The following CNBD1 variants were observed in gnomAD, a reference collection of about 807,000 sequenced individuals.
CNBD1 encodes cyclic nucleotide-binding domain-containing protein 1.
Under a neutral mutation model 54.4 loss-of-function variants are expected in CNBD1, and 71 were observed. The ratio of observed to expected loss-of-function variants is 1.30; its 90% confidence interval spans 1.08 to 1.59. The LOEUF (loss-of-function observed/expected upper bound fraction) is 1.59, where lower values mean the gene tolerates loss of function less well. Among genes scored for constraint, CNBD1 ranks in the 40% most tolerant of loss-of-function variants. The pLI, the probability that CNBD1 is intolerant of heterozygous loss-of-function variation, is 0.00. For synonymous variants in CNBD1, 182 were observed against 170.7 expected (o/e 1.07, Z -0.51); for missense variants, 659 against 518.0 (o/e 1.27, Z -2.64).
chr8:87,044,715 A>G (rs1810145022), intron 4 of CNBD1: 1 of 152,084 alleles, frequency 6.6e-6, no homozygotes, highest in South Asian at 2.1e-4. Flanking sequence ...GGTTTGTTTT[A>G]GGTCAGTTCC....
intron 5 of CNBD1, among the ~76,000 whole-genome samples, chr8:87,215,416 C>G (rs1016440508): frequency 5.9e-5 from 9 of 151,804 alleles, no homozygotes; most frequent in African/African-American, 2.2e-4. Context: ...GAAACCCTGT[C>G]CCTACTAAAA....
At chr8:86,992,853 T>C (rs182760910) in intron 4 of CNBD1, among the ~76,000 whole-genome samples, 7 of 152,336 alleles carry the variant, frequency 4.6e-5, no homozygotes, top group Admixed American at 4.6e-4. Flanking sequence ...GTATGTGCCT[T>C]GACCCTTCTC....
At chr8:87,052,778 C>G (rs1348014613) in intron 4 of CNBD1, among the ~76,000 whole-genome samples, 1 of 152,228 alleles carries the variant, frequency 6.6e-6, no homozygotes, top group African/African-American at 2.4e-5. Context: ...CATAACATCT[C>G]TCCATGTATG....
At chr8:87,001,526 C>T (rs558283730) in intron 4 of CNBD1, among the ~76,000 whole-genome samples, 3 of 152,128 alleles carry the variant, frequency 2.0e-5, no homozygotes, top group East Asian at 1.9e-4. Flanking sequence ...GGTCTTTTTA[C>T]GCTGTATTTG....
chr8:87,425,350 C>G (rs1220227475), intron 2 of CNBD1, among the ~76,000 whole-genome samples: 1 of 152,178 alleles, frequency 6.6e-6, no homozygotes, highest in Non-Finnish European at 1.5e-5. Flanking sequence ...AGCTTTGTTC[C>G]GTTGCTGGTG....
downstream of CNBD1, among the ~76,000 whole-genome samples, chr8:87,384,046 G>A (rs983343749): frequency 6.6e-6 from 1 of 152,026 alleles, no homozygotes; most frequent in Non-Finnish European, 1.5e-5. Context: ...ATTCAATTAA[G>A]AATGAGTTAT....
downstream of CNBD1, among the ~76,000 whole-genome samples, chr8:87,383,899 G>C (rs556251544): frequency 6.6e-6 from 1 of 152,196 alleles, no homozygotes; most frequent in African/African-American, 2.4e-5. Flanking sequence ...TTTCAGTTTA[G>C]AATGCTATTT....
intron 4 of CNBD1, among the ~76,000 whole-genome samples, chr8:87,057,218 C>T (rs749291469): frequency 1.8e-4 from 27 of 152,144 alleles, no homozygotes; most frequent in Non-Finnish European, 3.7e-4. Context: ...AATTGACTCA[C>T]TTCCACAGGG....
intron 1 of CNBD1, among the ~76,000 whole-genome samples, chr8:86,873,409 GT>G (rs200928070): frequency 2.0e-5 from 3 of 151,346 alleles, no homozygotes; most frequent in Admixed American, 1.3e-4. Flanking sequence ...CCAAGACCCT[GT>G]TTTTTTTAAA....
At chr8:87,229,367 T>G (rs1814610910) in intron 5 of CNBD1, among the ~76,000 whole-genome samples, 1 of 152,224 alleles carries the variant, frequency 6.6e-6, no homozygotes, top group African/African-American at 2.4e-5. Context: ...TGCTATTTGT[T>G]TCTTCTCACA....
chr8:87,247,883 G>A lies in CNBD1; in HGVS notation c.771+10771G>A, dbSNP rs188821692. Among the ~76,000 whole-genome samples the A allele has an allele frequency of 3.5e-3, 528 of 152,268 alleles. 2 individuals carry two copies. Among genetic ancestry groups the A allele is most frequent in the Non-Finnish European group, 6.0e-3 (408 of 68,026 alleles). ...AGTTCAGGTGAAATGGCATTTTTCA[G>A]CTAGCCACAATTTCTGTATGGGTGA... On this transcript the variant is annotated intron_variant, in intron 6 of 10. Coordinates refer to ENST00000518476, the MANE Select transcript of CNBD1 (RefSeq NM_173538.3).
At chr8:87,237,946 T>C (rs1286055497) in intron 6 of CNBD1, among the ~76,000 whole-genome samples, 1 of 152,174 alleles carries the variant, frequency 6.6e-6, no homozygotes, top group African/African-American at 2.4e-5. Context: ...TTGTTAGGGA[T>C]GGAAAACAAT....
In CNBD1 at chr8:87,327,810, G is replaced by T. The variant is rs561801710; in HGVS notation, c.1043-23875G>T. 7.2e-5 allele frequency among the ~76,000 whole-genome samples: 11 copies of T among 152,222 alleles called. No individual in the cohort carries two copies. In the South Asian group the frequency reaches 1.5e-3, roughly 20 times the overall value. On this transcript the variant is annotated intron_variant, in intron 8 of 10. Coordinates refer to ENST00000518476, the MANE Select transcript of CNBD1 (RefSeq NM_173538.3). ...TGTAGACCGGAGCTGTTCCTATTCG[G>T]CCATCTTGGCTCCTCCCCCTTTTCT...
At chr8:87,137,197 A>G (rs887010806) in intron 4 of CNBD1, among the ~76,000 whole-genome samples, 1 of 142,324 alleles carries the variant, frequency 7.0e-6, no homozygotes, top group Non-Finnish European at 1.5e-5. Context: ...TATATAAATT[A>G]TATATATATT....
At chr8:87,338,368 G>A (rs978474973) in intron 8 of CNBD1, among the ~76,000 whole-genome samples, 1 of 152,126 alleles carries the variant, frequency 6.6e-6, no homozygotes, top group Admixed American at 6.5e-5. Flanking sequence ...AGGTCTGACA[G>A]CAACAAATTC....
intron 4 of CNBD1, among the ~76,000 whole-genome samples, chr8:87,038,669 A>T (rs1343043877): frequency 6.6e-6 from 1 of 152,222 alleles, no homozygotes; most frequent in East Asian, 1.9e-4. Context: ...TGTATTGGCC[A>T]TTCATTACCT....
chr8:87,323,410 C>T (rs1307099611), intron 8 of CNBD1, among the ~76,000 whole-genome samples: 1 of 139,764 alleles, frequency 7.2e-6, no homozygotes, highest in East Asian at 2.0e-4. Context: ...CGGCCATTTT[C>T]ACGATATTGA....
At chr8:86,954,381 G>T (rs1807705005) in intron 4 of CNBD1, among the ~76,000 whole-genome samples, 1 of 152,184 alleles carries the variant, frequency 6.6e-6, no homozygotes, top group African/African-American at 2.4e-5. Context: ...AAACCTTGTT[G>T]TGTTTTTATT....
chr8:87,149,190 A>T (rs1812550307), intron 4 of CNBD1, among the ~76,000 whole-genome samples: 1 of 152,200 alleles, frequency 6.6e-6, no homozygotes, highest in Admixed American at 6.5e-5. Flanking sequence ...TATAGTGTGT[A>T]TTGATGGTGA....
Sources: gnomAD v4.1 joint callset for allele counts (sites outside exome capture counted in the v4.1 genomes callset) on GRCh38, gnomAD v4.1.1 for gene constraint, MANE v1.5 for transcripts, NCBI Gene and HGNC (gene_info 2026-07-23, HGNC 2026-07-21) for gene names.